Variants in PLA2G6 observed in about 807,000 individuals in gnomAD.
The protein encoded by PLA2G6 is phospholipase A2 group VI, also known as 85/88 kDa calcium-independent phospholipase A2.
PLA2G6 carries 62 observed loss-of-function variants against 83.8 expected under a neutral mutation model. The observed-to-expected ratio is 0.74, with a 90% CI of 0.60 to 0.91. The LOEUF (loss-of-function observed/expected upper bound fraction) is 0.91, where lower values mean the gene tolerates loss of function less well. Ranked by LOEUF, PLA2G6 falls within the 40% of genes least tolerant of loss-of-function variation. The probability of loss-of-function intolerance (pLI) is 0.00; values close to 1 mark genes in which losing one functional copy is unlikely to be tolerated. For synonymous variants in PLA2G6, 417 were observed against 449.8 expected, an observed-to-expected ratio of 0.93 and a Z score of 0.92; for missense variants, 944 against 1,102.0, an observed-to-expected ratio of 0.86 and a Z score of 2.03.
In PLA2G6 at chr22:38,134,979, T is replaced by C; in HGVS notation, c.894+9A>G. ...CCTGCCCCACCCACCCACCTCAGGA[T>C]CCACTCACCTCTGCGTTCTTGGCCC... is the stretch of plus-strand genomic sequence containing the variant. On this transcript the variant is annotated intron_variant, in intron 6 of 16. Coordinates refer to ENST00000332509, the MANE Select transcript of PLA2G6 (RefSeq NM_003560.4). 1 of 1,183,170 alleles carries C rather than the reference T, an allele frequency of 8.5e-7. No individual in the cohort carries two copies. The highest frequency in any genetic ancestry group is 1.2e-6 in the Non-Finnish European group (1 of 814,378). 73.3% of individuals were successfully genotyped at this position (1,183,170 alleles called of 1,614,324 possible). A position where few individuals can be genotyped will look rare whatever the true frequency, so the allele number is the denominator to read the frequency against.
intron 2 of PLA2G6, among the ~76,000 whole-genome samples, chr22:38,160,851 A>AC (rs2089981879): frequency 6.6e-6 from 1 of 152,210 alleles, no homozygotes. Flanking sequence ...TCTCAAAAAA[A>AC]AAAAGCCTTT....
At chr22:38,165,222 C>A (rs1361261961) in intron 2 of PLA2G6, among the ~76,000 whole-genome samples, 1 of 152,208 alleles carries the variant, frequency 6.6e-6, no homozygotes, top group Non-Finnish European at 1.5e-5. Flanking sequence ...ATTAATATAT[C>A]ACATTCATTT....
Position 38,126,895 on chromosome 22 carries a change from T to G in PLA2G6, c.1349-446A>C. On this transcript the variant is annotated intron_variant, in intron 9 of 16. Transcript: ENST00000332509. ...AAGAGGGTCCATAATTCACCCAAGG[T>G]CATTTAGTCAAAAGGCTGAGTCAGG... 1.6e-5 allele frequency: 9 copies of G among 563,690 alleles called. No individual in the cohort carries two copies. In the South Asian group the frequency reaches 2.5e-4, roughly 16 times the overall value. The allele number at this position is 563,690 out of a possible 1,614,324, so 34.9% of individuals were successfully genotyped here.
intron 1 of PLA2G6, among the ~76,000 whole-genome samples, chr22:38,180,980 C>G (rs2090824462): frequency 6.6e-6 from 1 of 152,118 alleles, no homozygotes; most frequent in Admixed American, 6.6e-5. Flanking sequence ...GGGAAAGACC[C>G]AGAAGCTAGG....
At chr22:38,164,187 G>A (rs541686906) in intron 2 of PLA2G6, among the ~76,000 whole-genome samples, 3 of 152,166 alleles carry the variant, frequency 2.0e-5, no homozygotes, top group African/African-American at 4.8e-5. Flanking sequence ...GGGCTCACAC[G>A]GGGAGAGCCA....
intron 2 of PLA2G6, chr22:38,163,505 T>C (rs1213699607): frequency 5.9e-6 from 1 of 169,326 alleles, no homozygotes; most frequent in African/African-American, 2.4e-5. Flanking sequence ...AGCCCTGCAG[T>C]CTGGAGGGGA....
At position 38,148,928 on chromosome 22, in the gene PLA2G6, G is replaced by A. The variant is rs569331852; in HGVS notation, c.210-3275C>T. On this transcript the variant is annotated intron_variant, in intron 2 of 16. Transcript: ENST00000332509. Reference sequence around the variant, plus strand: ...GTCACCCAGGCTGGAGTGCAGTGGCGTGATCTCGGCTCACTGCAACCTCTG... The same window carrying A: ...GTCACCCAGGCTGGAGTGCAGTGGCATGATCTCGGCTCACTGCAACCTCTG... 354 of 180,606 alleles carry A rather than the reference G, an allele frequency of 2.0e-3. 3 individuals are homozygous for A. Among genetic ancestry groups the A allele is most frequent in the Admixed American group, 4.8e-3 (82 of 17,112 alleles). The allele number at this position is 180,606 out of a possible 1,614,324, so 11.2% of individuals were successfully genotyped here. A position where few individuals can be genotyped will look rare whatever the true frequency, so the allele number is the denominator to read the frequency against.
intron 12 of PLA2G6, among the ~76,000 whole-genome samples, chr22:38,119,496 C>T (rs754627930): frequency 2.6e-5 from 4 of 152,122 alleles, no homozygotes; most frequent in Non-Finnish European, 5.9e-5. Flanking sequence ...ACAGGAGAAT[C>T]GTGTGCTGCT....
intron 12 of PLA2G6, among the ~76,000 whole-genome samples, chr22:38,117,014 T>C (rs2087248533): frequency 6.6e-6 from 1 of 152,050 alleles, no homozygotes; most frequent in African/African-American, 2.4e-5. Flanking sequence ...TCACAACCAC[T>C]ATAGAAATTA....
chr22:38,137,654 T>G (rs1807559), intron 5 of PLA2G6: 1 of 151,986 alleles, frequency 6.6e-6, no homozygotes, highest in Non-Finnish European at 1.5e-5. Context: ...GTCAACATGA[T>G]GAAACCCCAT....
chr22:38,161,924 G>T (rs1706342439), intron 2 of PLA2G6, among the ~76,000 whole-genome samples: 1 of 152,136 alleles, frequency 6.6e-6, no homozygotes, highest in African/African-American at 2.4e-5. Context: ...GAGCAATAGG[G>T]CCGGGCAGGG....
At chr22:38,126,917 C>T in intron 9 of PLA2G6, 1 of 785,490 alleles carries the variant, frequency 1.3e-6, no homozygotes, top group Non-Finnish European at 1.6e-6. Context: ...AAGGCTGAGT[C>T]AGGACGTTCC....
chr22:38,146,770 T>C (rs2089283693), intron 2 of PLA2G6: 1 of 105,446 alleles, frequency 9.5e-6, no homozygotes. Context: ...ACTTTTCTTT[T>C]TCTTTTCTTT....
Position 38,169,252 on chromosome 22 carries a change from G to C in PLA2G6, c.175C>G (p.Leu59Val). ...CTCTGTGAGTTCCTGGGGTTGACCA[G>C]GACGCAGTCCCAGGTGCGGTTGGGA... Reference protein sequence around the residue: ...NTPNRTWDCVLVNPRNSQSGF... With the variant: ...NTPNRTWDCVVVNPRNSQSGF... Residue 59 changes from leucine (L) to valine (V), a missense_variant, in exon 2 of 17, where the codon CTG becomes GTG. By Grantham distance (32) the Leu-to-Val change is conservative. Coordinates refer to ENST00000332509, the MANE Select transcript of PLA2G6 (RefSeq NM_003560.4). The C allele has an allele frequency of 6.2e-7, 1 of 1,614,136 alleles. No individual in the cohort carries two copies. The highest frequency in any genetic ancestry group is 8.5e-7 in the Non-Finnish European group (1 of 1,179,976).
intron 12 of PLA2G6, 126 bp from the exon 13 acceptor site, chr22:38,116,337 G>A (rs1281820899): frequency 9.4e-7 from 1 of 1,058,572 alleles, no homozygotes; most frequent in Admixed American, 1.9e-5. Flanking sequence ...CGGGATAGGT[G>A]GGCTTCTCCC....
At position 38,128,031 on chromosome 22, in the gene PLA2G6, CTG is replaced by C. The variant is rs2087974275; in HGVS notation, c.1348+236_1348+237del. On this transcript the variant is annotated intron_variant, in intron 9 of 16. Transcript: ENST00000332509. The surrounding 1 kb of genome is among the most constrained non-coding windows in gnomAD (Gnocchi z 4.4). ...CCACTGGAAATGCCCAGGCCTGAGA[CTG>C]TGTGCAGGACACATCCTCTCAGGGG... The C allele has an allele frequency of 1.8e-6, 1 of 562,468 alleles. No individual in the cohort carries two copies. The highest frequency in any genetic ancestry group is 3.2e-6 in the Non-Finnish European group (1 of 314,062). The allele number at this position is 562,468 out of a possible 1,614,324, so 34.8% of individuals were successfully genotyped here.
At chr22:38,170,946 G>A (rs1002153552) in intron 1 of PLA2G6, among the ~76,000 whole-genome samples, 4 of 152,022 alleles carry the variant, frequency 2.6e-5, no homozygotes, top group African/African-American at 9.7e-5. Context: ...CGACTCGGGC[G>A]GATCACCTGA....
Position 38,123,491 on chromosome 22 carries a change from G to A in PLA2G6, c.1428-233C>T, listed in dbSNP as rs947293092. Among the ~76,000 whole-genome samples, 2 of 152,126 alleles carry A rather than the reference G, an allele frequency of 1.3e-5. No individual in the cohort carries two copies. Among genetic ancestry groups the A allele is most frequent in the African/African-American group, 2.4e-5 (1 of 41,422 alleles). On this transcript the variant is annotated intron_variant, in intron 10 of 16. Coordinates refer to ENST00000332509, the MANE Select transcript of PLA2G6 (RefSeq NM_003560.4). The surrounding 1 kb of genome is among the most constrained non-coding windows in gnomAD (Gnocchi z 4.1). Reference sequence around the variant, plus strand: ...CAACAGAGAAAGGGAAAGGAAGGTCGGGGGATAGCATCACTGACCAGGCGC... The same window carrying A: ...CAACAGAGAAAGGGAAAGGAAGGTCAGGGGATAGCATCACTGACCAGGCGC...
rs992966684 is a variant in PLA2G6 at position 38,140,126 on chromosome 22, T to C, written c.653A>G (p.Asn218Ser). 2.5e-6 allele frequency: 4 copies of C among 1,614,038 alleles called. No homozygotes were observed. The African/African-American group carries it at 4.0e-5, about 16-fold the overall frequency. Residue 218 changes from asparagine to serine, a missense_variant, in exon 5 of 17, where the codon AAC (asparagine) becomes AGC (serine). Coordinates refer to ENST00000332509, the MANE Select transcript of PLA2G6 (RefSeq NM_003560.4). The part of the protein sequence containing the change: ...NAVAGLNQVN[N>S]QGLTPLHLAC... ...CAGGTGCAGCGGGGTCAGCCCTTGG[T>C]TATTCACCTGGTTCAGGCCAGCCAC...
Sources: gnomAD v4.1 joint callset for allele counts (sites outside exome capture counted in the v4.1 genomes callset) on GRCh38, gnomAD v4.1.1 for gene constraint, Gnocchi (gnomAD v3.1) non-coding constraint, MANE v1.5 for transcripts, NCBI Gene and HGNC (gene_info 2026-07-23, HGNC 2026-07-21) for gene names.